Variants in GRIK3 observed in about 807,000 individuals in gnomAD.
GRIK3 encodes the protein glutamate ionotropic receptor kainate type subunit 3.
Under a neutral mutation model 102.5 loss-of-function variants are expected in GRIK3, and 29 were observed. The ratio of observed to expected loss-of-function variants is 0.28; its 90% CI spans 0.21 to 0.39. The LOEUF (loss-of-function observed/expected upper bound fraction) is 0.39. Ranked by LOEUF, GRIK3 falls within the 10% of genes least tolerant of loss-of-function variation. The pLI, the probability that GRIK3 is intolerant of heterozygous loss-of-function variation, is 1.00. For missense variants in GRIK3, 908 were observed against 1,252.4 expected (o/e 0.73, Z 4.15); for synonymous variants, 511 against 504.9 (o/e 1.01, Z -0.16).
intron 1 of GRIK3, among the ~76,000 whole-genome samples, chr1:36,957,459 G>A (rs1253756481): frequency 8.1e-6 from 1 of 122,966 alleles, no homozygotes; most frequent in East Asian, 2.6e-4. Context: ...TGCCCTGTGA[G>A]CCTATGTGCT....
At chr1:37,004,876 A>T (rs965593079) in intron 1 of GRIK3, among the ~76,000 whole-genome samples, 6 of 152,198 alleles carry the variant, frequency 3.9e-5, no homozygotes, top group Non-Finnish European at 8.8e-5. Context: ...GGCCCAGCCA[A>T]GAAAAAAGGG....
intron 1 of GRIK3, among the ~76,000 whole-genome samples, chr1:37,026,725 C>T (rs1642768081): frequency 6.6e-6 from 1 of 152,080 alleles, no homozygotes; most frequent in Admixed American, 6.5e-5. Context: ...GGTGCGGTGA[C>T]TTCCCCAAGG....
intron 10 of GRIK3, among the ~76,000 whole-genome samples, chr1:36,836,216 T>C (rs1008485789): frequency 1.3e-5 from 2 of 152,184 alleles, no homozygotes; most frequent in African/African-American, 4.8e-5. Flanking sequence ...GGGCCAGAAC[T>C]CAGATCTGCT....
intron 1 of GRIK3, among the ~76,000 whole-genome samples, chr1:36,923,124 C>T (rs746513285): frequency 2.0e-5 from 3 of 152,130 alleles, no homozygotes; most frequent in Non-Finnish European, 2.9e-5. Context: ...GATGGGCAGT[C>T]GAGTGGCAAA....
intron 10 of GRIK3, among the ~76,000 whole-genome samples, chr1:36,831,241 A>G (rs1426632111): frequency 6.6e-6 from 1 of 152,122 alleles, no homozygotes; most frequent in Non-Finnish European, 1.5e-5. Context: ...CAGAGACGTG[A>G]ACTTGACTCT....
At chr1:36,932,218 A>G (rs1240020846) in intron 1 of GRIK3, among the ~76,000 whole-genome samples, 2 of 152,184 alleles carry the variant, frequency 1.3e-5, no homozygotes, top group Non-Finnish European at 2.9e-5. Flanking sequence ...GACTGATCTT[A>G]GTCATCATAT....
chr1:36,976,373 T>G (rs1372725508), intron 1 of GRIK3, among the ~76,000 whole-genome samples: 1 of 152,074 alleles, frequency 6.6e-6, no homozygotes, highest in Non-Finnish European at 1.5e-5. Flanking sequence ...TGCATTTTTT[T>G]TCGGGGGAAA....
chr1:36,923,896 CACA>C (rs1641499133), intron 1 of GRIK3, among the ~76,000 whole-genome samples: 1 of 152,010 alleles, frequency 6.6e-6, no homozygotes, highest in African/African-American at 2.4e-5. Flanking sequence ...CATGTACACA[CACA>C]TGCACTGGCT....
At chr1:36,999,709 C>T (rs1642455023) in intron 1 of GRIK3, among the ~76,000 whole-genome samples, 1 of 152,184 alleles carries the variant, frequency 6.6e-6, no homozygotes, top group Non-Finnish European at 1.5e-5. Context: ...ATCACAGTGC[C>T]CCTTGTGGGG....
Position 37,013,085 on chromosome 1 carries a change from C to T in GRIK3, c.115+20909G>A, listed in dbSNP as rs1311679896. Among the ~76,000 whole-genome samples the T allele has an allele frequency of 6.6e-5, 10 of 152,166 alleles. 1 individual carries two copies. The East Asian group carries it at 1.9e-3, about 29-fold the overall frequency. Reference sequence around the variant, plus strand: ...GGCTGGGGAGGCCTCACAATCATGGCAGAAGGTAAAAGGCACGTCTTACAT... The same window carrying T: ...GGCTGGGGAGGCCTCACAATCATGGTAGAAGGTAAAAGGCACGTCTTACAT... On this transcript the variant is annotated intron_variant, in intron 1 of 15. Coordinates refer to ENST00000373091, the MANE Select transcript of GRIK3 (RefSeq NM_000831.4).
rs66480824 is a variant in GRIK3, at chr1:36,968,220, CGTGTGTGTGTGTGTGT to C, written c.115+65758_115+65773del. The stretch of plus-strand genomic sequence containing the variant: ...CTCTCTCTCTTTCACTCTCTCTCTC[CGTGTGTGTGTGTGTGT>C]GTGTGTGTGTGTGTGTGTGTGTGTG... On this transcript the variant is annotated intron_variant, in intron 1 of 15. Transcript: ENST00000373091. Among the ~76,000 whole-genome samples the C allele has an allele frequency of 7.2e-3, 1,014 of 141,152 alleles. 19 individuals carry two copies. Among genetic ancestry groups the C allele is most frequent in the African/African-American group, 0.024 (946 of 38,938 alleles). 92.6% of individuals were successfully genotyped at this position (141,152 alleles called of 152,430 possible). A position where few individuals can be genotyped will look rare whatever the true frequency, so the allele number is the denominator to read the frequency against.
chr1:36,979,674 C>T (rs1642230403), intron 1 of GRIK3, among the ~76,000 whole-genome samples: 1 of 152,170 alleles, frequency 6.6e-6, no homozygotes. Flanking sequence ...GGAATCTCAA[C>T]TAAGAAACAC....
chr1:37,007,060 G>A (rs1272306467), intron 1 of GRIK3, among the ~76,000 whole-genome samples: 1 of 152,168 alleles, frequency 6.6e-6, no homozygotes, highest in Non-Finnish European at 1.5e-5. Flanking sequence ...GGAGTCAGAG[G>A]ACAGGCCCAC....
At chr1:36,900,496 G>A (rs1249237533) in intron 1 of GRIK3, among the ~76,000 whole-genome samples, 1 of 152,068 alleles carries the variant, frequency 6.6e-6, no homozygotes, top group East Asian at 1.9e-4. Flanking sequence ...AAAATATTTT[G>A]AACTAAATAA....
chr1:36,844,688 G>C (rs1300964407), intron 9 of GRIK3, among the ~76,000 whole-genome samples: 2 of 152,202 alleles, frequency 1.3e-5, no homozygotes, highest in Non-Finnish European at 2.9e-5. Flanking sequence ...AGGATAAAAT[G>C]AGTCAGTCTA....
At chr1:36,838,474 C>G (rs576805624) in intron 10 of GRIK3, among the ~76,000 whole-genome samples, 8 of 152,106 alleles carry the variant, frequency 5.3e-5, no homozygotes, top group Admixed American at 3.3e-4. Flanking sequence ...TCTGTCTGAT[C>G]GTGTTTATTG....
intron 10 of GRIK3, among the ~76,000 whole-genome samples, chr1:36,833,323 A>G (rs1640333294): frequency 1.3e-5 from 2 of 152,188 alleles, no homozygotes; most frequent in South Asian, 4.1e-4. Flanking sequence ...ACCCACCTGA[A>G]CATTGCTACC....
intron 1 of GRIK3, among the ~76,000 whole-genome samples, chr1:37,024,769 T>C (rs986525258): frequency 4.7e-5 from 7 of 149,044 alleles, no homozygotes; most frequent in African/African-American, 1.7e-4. Flanking sequence ...AAAAAGAGTT[T>C]GCTCAAGATT....
At chr1:37,019,054 C>A (rs1245609793) in intron 1 of GRIK3, among the ~76,000 whole-genome samples, 4 of 152,180 alleles carry the variant, frequency 2.6e-5, no homozygotes, top group Non-Finnish European at 4.4e-5. Context: ...TACACTGCAT[C>A]AGGAATGATC....
Sources: gnomAD v4.1 joint callset for allele counts (sites outside exome capture counted in the v4.1 genomes callset) on GRCh38, gnomAD v4.1.1 for gene constraint, MANE v1.5 for transcripts, NCBI Gene and HGNC (gene_info 2026-07-23, HGNC 2026-07-21) for gene names.